ABCD3: variants seen among roughly 807,000 people sequenced by gnomAD.
The protein encoded by ABCD3 is ATP-binding cassette sub-family D member 3.
ABCD3 carries 41 observed loss-of-function variants against 105.5 expected under a neutral mutation model. The ratio of observed to expected loss-of-function variants is 0.39; its 90% CI spans 0.30 to 0.50. ABCD3 has a LOEUF of 0.50. Among genes scored for constraint, ABCD3 ranks in the 20% least tolerant of loss-of-function variants. The pLI, the probability that ABCD3 is intolerant of heterozygous loss-of-function variation, is 0.84. For missense variants in ABCD3, 622 were observed against 806.3 expected, an observed-to-expected ratio of 0.77 and a Z score of 2.77; for synonymous variants, 258 against 269.0, an observed-to-expected ratio of 0.96 and a Z score of 0.40.
intron 21 of ABCD3, among the ~76,000 whole-genome samples, chr1:94,513,147 A>T (rs1007642561): frequency 6.6e-6 from 1 of 152,106 alleles, no homozygotes; most frequent in Non-Finnish European, 1.5e-5. Context: ...TTATCTTGTT[A>T]ATGATTTATT....
At chr1:94,509,687 A>G (rs1650565092) in intron 21 of ABCD3, among the ~76,000 whole-genome samples, 1 of 152,106 alleles carries the variant, frequency 6.6e-6, no homozygotes. Context: ...GTCTATTCAG[A>G]GATTCAACTT....
At chr1:94,418,127 G>A (rs529474693), upstream of ABCD3, among the ~76,000 whole-genome samples, 4 of 152,324 alleles carry the variant, frequency 2.6e-5, no homozygotes, top group East Asian at 5.8e-4. Context: ...TGCGCGCGAA[G>A]AGTGGGAGGG....
At position 94,499,000 on chromosome 1, in the gene ABCD3, G is replaced by C. The variant is rs755685193; in HGVS notation, c.1586G>C (p.Arg529Pro). 2 of 1,613,778 alleles carry C rather than the reference G, an allele frequency of 1.2e-6. No homozygotes were observed. Among genetic ancestry groups the C allele is most frequent in the South Asian group, 2.2e-5 (2 of 91,068 alleles). Residue 529 changes from arginine to proline, a missense_variant, in exon 19 of 23, where the codon CGA becomes CCA. Physicochemically the swap from Arg to Pro is moderately radical, Grantham distance 103. This residue lies in a region of ABCD3 where 285 missense variants were observed against 352.5 expected (regional missense o/e 0.81). Transcript: ENST00000370214. Reference sequence around the variant, plus strand: ...GATCAAGTGATATATCCAGATGGACGAGAAGATCAGAAAAGGAAGGGAATT... The same window carrying C: ...GATCAAGTGATATATCCAGATGGACCAGAAGATCAGAAAAGGAAGGGAATT... ...LRDQVIYPDG[R>P]EDQKRKGISD...
chr1:94,431,433 G>C (rs1023161351), intron 1 of ABCD3, among the ~76,000 whole-genome samples: 2 of 152,098 alleles, frequency 1.3e-5, no homozygotes, highest in Admixed American at 1.3e-4. Flanking sequence ...AAGTAAATTA[G>C]ACAAGAGTTT....
chr1:94,387,006 C>G, the ABCD3 span, among the ~76,000 whole-genome samples: 1 of 152,144 alleles, frequency 6.6e-6, no homozygotes. Context: ...TTAACTATCT[C>G]CTTGATTTGT....
intron 3 of ABCD3, among the ~76,000 whole-genome samples, chr1:94,465,408 C>G (rs1570779852): frequency 6.6e-6 from 1 of 152,136 alleles, no homozygotes; most frequent in Non-Finnish European, 1.5e-5. Context: ...AAATTTTTGT[C>G]TTTAAATCAT....
upstream of ABCD3, among the ~76,000 whole-genome samples, chr1:94,413,420 C>T (rs1461052962): frequency 6.6e-6 from 1 of 152,078 alleles, no homozygotes; most frequent in Non-Finnish European, 1.5e-5. Flanking sequence ...GCAATGCGGA[C>T]ACAGTTGGGA....
chr1:94,475,984 T>C (rs1294590645), intron 7 of ABCD3, among the ~76,000 whole-genome samples: 2 of 152,168 alleles, frequency 1.3e-5, no homozygotes, highest in East Asian at 3.9e-4. Context: ...TTTTGCAGGT[T>C]GATTCCATTA....
rs1369106545 is a variant in ABCD3, at chr1:94,473,770, A to G, written c.340A>G (p.Ile114Val). Residue 114 changes from isoleucine (I) to valine (V), a missense_variant, in exon 5 of 23, where the codon ATC becomes GTC. Transcript: ENST00000370214. ...ATTGCATGTGGTGGTTTGCAGTGGT[A>G]TCATTGGTCGTAGCAGGAAAGATTT... ...IQNGTLIESG[I>V]IGRSRKDFKR... 6.2e-7 allele frequency: 1 copy of G among 1,612,370 alleles called. No individual in the cohort carries two copies. Among genetic ancestry groups the G allele is most frequent in the Non-Finnish European group, 8.5e-7 (1 of 1,179,042 alleles).
chr1:94,481,921 A>G (rs547963621), intron 9 of ABCD3: 1 of 152,340 alleles, frequency 6.6e-6, no homozygotes, highest in African/African-American at 2.4e-5. Flanking sequence ...TACATGGAAA[A>G]TAATAGATAA....
chr1:94,415,736 C>A (rs948138043), upstream of ABCD3, among the ~76,000 whole-genome samples: 1 of 152,102 alleles, frequency 6.6e-6, no homozygotes, highest in African/African-American at 2.4e-5. Context: ...GCTTCTCAGC[C>A]CAGGTTTGAT....
rs377183740 is a variant in ABCD3, at chr1:94,487,798, T to G, written c.1065+7T>G. The stretch of plus-strand genomic sequence containing the variant: ...ACATTCGGAACTTCTAGAGGTAAAC[T>G]GATGATAATACAATGAAAATGTAAC... On this transcript the variant is annotated splice_region_variant and intron_variant, in intron 12 of 22. Transcript: ENST00000370214. 1.3e-4 allele frequency: 215 copies of G among 1,613,064 alleles called. No homozygotes were observed. Among genetic ancestry groups the G allele is most frequent in the Non-Finnish European group, 1.6e-4 (193 of 1,179,238 alleles).
chr1:94,407,952 T>TA, the ABCD3 span, among the ~76,000 whole-genome samples: 1 of 152,262 alleles, frequency 6.6e-6, no homozygotes, highest in East Asian at 1.9e-4. Context: ...TTCATTTATA[T>TA]TATTGTCTTT....
chr1:94,424,120 A>C (rs76980046), intron 1 of ABCD3, among the ~76,000 whole-genome samples: 3,749 of 152,334 alleles, frequency 0.025, 65 homozygotes, highest in Middle Eastern at 0.037. Flanking sequence ...TGCCAGCCAA[A>C]GTAGCTGTGT....
rs941400990 is a variant in ABCD3, at chr1:94,489,731, T to C, written c.1164T>C (p.Thr388=). The C allele has an allele frequency of 6.2e-7, 1 of 1,612,486 alleles. No individual in the cohort carries two copies. Among genetic ancestry groups the C allele is most frequent in the Non-Finnish European group, 8.5e-7 (1 of 1,178,902 alleles). The change falls in exon 14 of 23, where the codon ACT becomes ACC. Residue 388 remains threonine, a synonymous_variant. Coordinates refer to ENST00000370214, the MANE Select transcript of ABCD3 (RefSeq NM_002858.4). ...TCCTTTTCTAAAATTTTAGTTTTACTGCTCGGATTACAGAATTAATGCAAG... is the reference window on the plus strand; with the variant it reads ...TCCTTTTCTAAAATTTTAGTTTTACCGCTCGGATTACAGAATTAATGCAAG... ...GREMTRLAGF[T]ARITELMQVL... is the part of the protein sequence containing the mutation.
the ABCD3 span, among the ~76,000 whole-genome samples, chr1:94,387,247 TA>T: frequency 6.6e-6 from 1 of 152,254 alleles, no homozygotes; most frequent in Non-Finnish European, 1.5e-5. Flanking sequence ...AGCCTCTATT[TA>T]ACAACAGGAC....
At chr1:94,449,157 C>T (rs934685035) in intron 1 of ABCD3, among the ~76,000 whole-genome samples, 1 of 152,194 alleles carries the variant, frequency 6.6e-6, no homozygotes, top group African/African-American at 2.4e-5. Flanking sequence ...CATTAAGACA[C>T]CTGAAACCTT....
chr1:94,428,686 G>A (rs1659564132), intron 1 of ABCD3, among the ~76,000 whole-genome samples: 1 of 152,046 alleles, frequency 6.6e-6, no homozygotes, highest in Admixed American at 6.6e-5. Context: ...CACATAAGAT[G>A]TGACTTGCTC....
At chr1:94,418,662 G>T in intron 1 of ABCD3, 74 bp downstream of exon 1, 3 of 1,458,118 alleles carry the variant, frequency 2.1e-6, no homozygotes, top group South Asian at 2.4e-5. Flanking sequence ...CTCCCCACCC[G>T]GCCGACAGGT....
Sources: gnomAD v4.1 joint callset for allele counts (sites outside exome capture counted in the v4.1 genomes callset) on GRCh38, gnomAD v4.1.1 for gene constraint, gnomAD v4.1.1 regional missense constraint, MANE v1.5 for transcripts, NCBI Gene and HGNC (gene_info 2026-07-23, HGNC 2026-07-21) for gene names.